The following LRSAM1 variants were observed in gnomAD, a reference collection of about 807,000 sequenced individuals.
The protein encoded by LRSAM1 is leucine rich repeat and sterile alpha motif containing 1.
A neutral mutation model predicts 118.1 loss-of-function variants in LRSAM1; 96 were observed. The observed-to-expected ratio is 0.81, with a 90% confidence interval of 0.69 to 0.96. The LOEUF (loss-of-function observed/expected upper bound fraction) is 0.96. Ranked by LOEUF, LRSAM1 falls within the 40% of genes least tolerant of loss-of-function variation. The pLI is 0.00. For missense variants in LRSAM1, 804 were observed against 915.5 expected (o/e 0.88, Z 1.57); for synonymous variants, 322 against 364.2 (o/e 0.88, Z 1.32).
At chr9:127,497,163 TCCTGTGAGCCTGGG>T in intron 23 of LRSAM1, 76 bp from the exon 24 acceptor site, 1 of 1,334,328 alleles carries the variant, frequency 7.5e-7, no homozygotes, top group South Asian at 1.2e-5. Context: ...GTGTCGACGG[TCCTGTGAGCCTGGG>T]CCTGTGCCAC....
At position 127,465,156 on chromosome 9, in the gene LRSAM1, A is replaced by T. The variant is rs1443510763; in HGVS notation, c.529-2584A>T. On this transcript the variant is annotated intron_variant, in intron 9 of 25. Coordinates refer to ENST00000300417, the MANE Select transcript of LRSAM1 (RefSeq NM_001005373.4). This position sits in a 1 kb window ranked among gnomAD's most constrained non-coding sequence, Gnocchi z 4.1. ...TATGAGGAGACCACAGCCCCAGGAC[A>T]CTAAGGGGCCTGATTAAGCAAACAC... Among the ~76,000 whole-genome samples, 2 of 152,176 alleles carry T rather than the reference A, an allele frequency of 1.3e-5. No individual in the cohort carries two copies. Among genetic ancestry groups the T allele is most frequent in the Non-Finnish European group, 2.9e-5 (2 of 68,020 alleles).
chr9:127,479,341 C>T (rs1316583039), intron 12 of LRSAM1, 42 bp from the exon 13 acceptor site: 2 of 1,613,798 alleles, frequency 1.2e-6, no homozygotes, highest in Non-Finnish European at 8.5e-7. Flanking sequence ...CCTAACTCCC[C>T]CAGGGCCTGT....
At chr9:127,486,270 C>G in intron 17 of LRSAM1, 1 of 265,542 alleles carries the variant, frequency 3.8e-6, no homozygotes, top group South Asian at 4.1e-5. Flanking sequence ...CTGTGGTACA[C>G]TCATCAGTGT....
rs1834559032 is a variant in LRSAM1, at chr9:127,457,385, A to G, written c.244A>G (p.Thr82Ala). The G allele has an allele frequency of 6.2e-7, 1 of 1,614,172 alleles. No individual in the cohort carries two copies. The highest frequency in any genetic ancestry group is 8.5e-7 in the Non-Finnish European group (1 of 1,179,974). The change falls in exon 6 of 26, where the codon ACC becomes GCC. Residue 82 changes from threonine to alanine, a missense_variant. Transcript: ENST00000300417. ...ATCCTGCAGCCTCCTGAGTCTGGCA[A>G]CCATCAAGGTACTGGGCCCTCCTCC... ...PKSCSLLSLA[T>A]IKVLDLHDNQ...
chr9:127,456,005 A>C (rs1262051869), intron 5 of LRSAM1, among the ~76,000 whole-genome samples: 7 of 152,170 alleles, frequency 4.6e-5, no homozygotes, highest in South Asian at 4.1e-4. Flanking sequence ...GTAAAGGCTT[A>C]TGAACCCCGG....
At chr9:127,476,658 C>T (rs1488587546) in intron 11 of LRSAM1, among the ~76,000 whole-genome samples, 2 of 151,962 alleles carry the variant, frequency 1.3e-5, no homozygotes, top group Non-Finnish European at 2.9e-5. Flanking sequence ...AGCGAATTTT[C>T]GAGGGTGATG....
At chr9:127,455,454 C>G in intron 4 of LRSAM1, 122 bp from the exon 5 acceptor site, 1 of 984,108 alleles carries the variant, frequency 1.0e-6, no homozygotes, top group Non-Finnish European at 1.6e-6. Flanking sequence ...GCACTGCCAC[C>G]TGCTGTGGCG....
chr9:127,493,048 G>A (rs920091850), intron 21 of LRSAM1, 151 bp downstream of exon 21: 16 of 741,578 alleles, frequency 2.2e-5, no homozygotes, highest in Non-Finnish European at 2.8e-5. Context: ...ATTTCCAAGC[G>A]TTATCTCCTG....
chr9:127,502,878 C>G lies in LRSAM1; in HGVS notation c.2151C>G (p.Leu717=), dbSNP rs776184530. ...GCCGCCAGGACATCGCCCAGCGCCT[C>G]CGCATCTACCACAGCAGCTGAGTGC... is the stretch of plus-strand genomic sequence containing the variant. ...PLCRQDIAQR[L]RIYHSS The change falls in exon 26 of 26, where the codon CTC becomes CTG. Residue 717 remains leucine, a synonymous_variant. Transcript: ENST00000300417. The G allele has an allele frequency of 6.2e-7, 1 of 1,605,848 alleles. No individual in the cohort carries two copies.
At chr9:127,461,328 C>G in intron 8 of LRSAM1, 71 bp downstream of exon 8, 2 of 1,420,008 alleles carry the variant, frequency 1.4e-6, no homozygotes, top group Non-Finnish European at 2.0e-6. Flanking sequence ...GATCCACAGG[C>G]TGCCCCGCCC....
chr9:127,503,333 G>C lies in LRSAM1; in HGVS notation c.*434G>C. ...GCTGGGTGAGGGGAGGCCTTCCTGG[G>C]AAGGCGTGTGGTGCAGGCCTGTGCT... On this transcript the variant is annotated 3_prime_UTR_variant, in exon 26 of 26. Transcript: ENST00000300417. The C allele has an allele frequency of 3.7e-6, 1 of 269,830 alleles. No individual in the cohort carries two copies. The highest frequency in any genetic ancestry group is 1.3e-3 in the Middle Eastern group (1 of 748). The allele number at this position is 269,830 out of a possible 1,614,324, so 16.7% of individuals were successfully genotyped here. A position where few individuals can be genotyped will look rare whatever the true frequency, so the allele number is the denominator to read the frequency against.
At chr9:127,466,337 T>C in intron 9 of LRSAM1, among the ~76,000 whole-genome samples, 1 of 151,602 alleles carries the variant, frequency 6.6e-6, no homozygotes, top group Non-Finnish European at 1.5e-5. Flanking sequence ...GCATTTCATG[T>C]AGATAGTAAC....
rs1035348632 is a variant in LRSAM1 at position 127,482,238 on chromosome 9, G to C, written c.1089-712G>C. On this transcript the variant is annotated intron_variant, in intron 15 of 25. Transcript: ENST00000300417. ...GCTCACTGCAACCTCCACCTCCCAG[G>C]TTCAGGCGATTCTCCTGCCTCAGCA... Among the ~76,000 whole-genome samples, 3 of 150,726 alleles carry C rather than the reference G, an allele frequency of 2.0e-5. No individual in the cohort carries two copies. The Admixed American group carries it at 2.0e-4, about 10-fold the overall frequency.
intron 20 of LRSAM1, among the ~76,000 whole-genome samples, chr9:127,492,011 C>G (rs1288507481): frequency 6.6e-6 from 1 of 152,184 alleles, no homozygotes; most frequent in Non-Finnish European, 1.5e-5. Context: ...TGTCACTGTC[C>G]CTGTGTCTGT....
chr9:127,487,742 C>T lies in LRSAM1; in HGVS notation c.1326C>T (p.Ala442=). 1 of 1,613,368 alleles carries T rather than the reference C, an allele frequency of 6.2e-7. No individual in the cohort carries two copies. Among genetic ancestry groups the T allele is most frequent in the Non-Finnish European group, 8.5e-7 (1 of 1,179,708 alleles). ...GGCAGCAAATGGATCAGAACAAAGC[C>T]ATCAGCCAGATCCTGCAGGAGGTGA... is the stretch of plus-strand genomic sequence containing the variant. The part of the protein sequence containing the change: ...LSWQQMDQNK[A]ISQILQESAM... The change falls in exon 18 of 26, where the codon GCC becomes GCT. Residue 442 remains alanine, a synonymous_variant. Transcript: ENST00000300417.
intron 11 of LRSAM1, among the ~76,000 whole-genome samples, chr9:127,476,736 A>G (rs908976932): frequency 2.6e-5 from 4 of 151,936 alleles, no homozygotes; most frequent in African/African-American, 7.3e-5. Flanking sequence ...GTGCAGTGGC[A>G]TGATCTCAGC....
In LRSAM1 at chr9:127,502,927, C is replaced by A; in HGVS notation, c.*28C>A. The stretch of plus-strand genomic sequence containing the variant: ...GCTGCCCGCCCACCTGGGCCTGGTC[C>A]TAGCCCTGCCTCGGCCACTGTGAGC... On this transcript the variant is annotated 3_prime_UTR_variant, in exon 26 of 26. Coordinates refer to ENST00000300417, the MANE Select transcript of LRSAM1 (RefSeq NM_001005373.4). The A allele has an allele frequency of 1.3e-6, 2 of 1,571,656 alleles. No homozygotes were observed. The highest frequency in any genetic ancestry group is 4.7e-5 in the East Asian group (2 of 42,272).
chr9:127,461,510 G>C (rs1406341964), intron 8 of LRSAM1, among the ~76,000 whole-genome samples: 1 of 152,222 alleles, frequency 6.6e-6, no homozygotes, highest in Non-Finnish European at 1.5e-5. Context: ...GCTGGGCCCC[G>C]AGCCTCAGTC....
intron 8 of LRSAM1, 131 bp from the exon 9 acceptor site, chr9:127,462,121 G>A (rs1431868868): frequency 7.7e-6 from 10 of 1,297,652 alleles, no homozygotes; most frequent in Non-Finnish European, 6.4e-6. Context: ...CCACCTTCTT[G>A]AGCCTAGGAA....
Sources: gnomAD v4.1 joint callset for allele counts (sites outside exome capture counted in the v4.1 genomes callset) on GRCh38, gnomAD v4.1.1 for gene constraint, Gnocchi (gnomAD v3.1) non-coding constraint, MANE v1.5 for transcripts, NCBI Gene and HGNC (gene_info 2026-07-23, HGNC 2026-07-21) for gene names.